EXOC4: variants seen among roughly 807,000 people sequenced by gnomAD.
The protein encoded by EXOC4 is exocyst complex component 4.
In EXOC4, 71 loss-of-function variants were observed where a neutral mutation model predicts 107.2. The observed-to-expected ratio is 0.66, with a 90% CI of 0.55 to 0.81. The LOEUF is 0.81. EXOC4 is among the 30% of genes least tolerant of loss of function. The pLI is 0.00. For synonymous variants in EXOC4, 456 were observed against 441.2 expected, an observed-to-expected ratio of 1.03 and a Z score of -0.42; for missense variants, 1,108 against 1,189.6, an observed-to-expected ratio of 0.93 and a Z score of 1.01.
intron 11 of EXOC4, among the ~76,000 whole-genome samples, chr7:133,857,358 TATATATA>T (rs1798436724): frequency 3.1e-5 from 2 of 64,228 alleles, no homozygotes; most frequent in Non-Finnish European, 5.6e-5. Context: ...TATATATATA[TATATATA>T]TTTTACCTCT....
At chr7:133,980,052 T>C (rs1305517058) in intron 14 of EXOC4, among the ~76,000 whole-genome samples, 1 of 152,186 alleles carries the variant, frequency 6.6e-6, no homozygotes, top group Admixed American at 6.5e-5. Flanking sequence ...AGATAAAATT[T>C]GAACCTGCCC....
intron 10 of EXOC4, among the ~76,000 whole-genome samples, chr7:133,674,310 A>G (rs952796003): frequency 1.3e-5 from 2 of 152,226 alleles, no homozygotes; most frequent in Non-Finnish European, 2.9e-5. Context: ...GGGCTTTACT[A>G]TAAAACAAGC....
In EXOC4 at chr7:133,420,871, T is replaced by C. The variant is rs560906142; in HGVS notation, c.1182+45869T>C. 2.6e-5 allele frequency among the ~76,000 whole-genome samples: 4 copies of C among 151,242 alleles called. No homozygotes were observed. The South Asian group carries it at 8.4e-4, about 32-fold the overall frequency. ...ACATCAGGGAATTTTTGGTATTCTT[T>C]CTCCCTGCCACTTCTGCTTGAGTAT... On this transcript the variant is annotated intron_variant, in intron 7 of 17. Coordinates refer to ENST00000253861, the MANE Select transcript of EXOC4 (RefSeq NM_021807.4).
chr7:133,444,124 T>C (rs1204116925), intron 7 of EXOC4, among the ~76,000 whole-genome samples: 1 of 152,116 alleles, frequency 6.6e-6, no homozygotes, highest in East Asian at 1.9e-4. Flanking sequence ...AGCCATGGGT[T>C]CAGTCTGAGT....
chr7:133,327,002 C>T (rs1795261065), intron 5 of EXOC4, among the ~76,000 whole-genome samples: 1 of 152,210 alleles, frequency 6.6e-6, no homozygotes, highest in Admixed American at 6.5e-5. Context: ...TGGGACTCTC[C>T]AAGCCAGGCG....
intron 10 of EXOC4, among the ~76,000 whole-genome samples, chr7:133,642,694 T>A (rs1240252798): frequency 6.6e-6 from 1 of 152,166 alleles, no homozygotes; most frequent in Non-Finnish European, 1.5e-5. Flanking sequence ...GTCACTCCCC[T>A]CCTTCTTTGT....
intron 17 of EXOC4, among the ~76,000 whole-genome samples, chr7:134,011,980 G>A (rs899178255): frequency 6.6e-6 from 1 of 152,034 alleles, no homozygotes; most frequent in Admixed American, 6.6e-5. Context: ...AACGTCTAAG[G>A]GTGAAGAGCC....
chr7:133,283,922 T>C (rs1004944926), intron 2 of EXOC4, among the ~76,000 whole-genome samples: 1 of 152,200 alleles, frequency 6.6e-6, no homozygotes, highest in Non-Finnish European at 1.5e-5. Context: ...TTTTTGTGGC[T>C]GACTGACCCT....
intron 10 of EXOC4, among the ~76,000 whole-genome samples, chr7:133,745,687 T>C (rs1795660552): frequency 6.6e-6 from 1 of 151,234 alleles, no homozygotes; most frequent in Non-Finnish European, 1.5e-5. Context: ...TGGTTTATTT[T>C]AGAACTATTG....
chr7:134,070,592 C>G (rs559933160), downstream of EXOC4, among the ~76,000 whole-genome samples: 16 of 152,170 alleles, frequency 1.1e-4, no homozygotes, highest in South Asian at 3.3e-3. Flanking sequence ...TGTGATGAAA[C>G]GTACACCATG....
Position 134,007,663 on chromosome 7 carries a change from G to T in EXOC4, c.2528-13G>T. On this transcript the variant is annotated splice_polypyrimidine_tract_variant and intron_variant, in intron 16 of 17. Transcript: ENST00000253861. The stretch of plus-strand genomic sequence containing the variant: ...ATCCGTTTTCTTTGCCCCGCACTGT[G>T]CTGACCCCTCAGGCCTGGGCCACCT... 1.2e-6 allele frequency: 2 copies of T among 1,609,968 alleles called. No homozygotes were observed. The highest frequency in any genetic ancestry group is 1.7e-6 in the Non-Finnish European group (2 of 1,178,012).
At chr7:133,339,098 C>T (rs1239097600) in intron 5 of EXOC4, among the ~76,000 whole-genome samples, 3 of 152,162 alleles carry the variant, frequency 2.0e-5, no homozygotes, top group Non-Finnish European at 4.4e-5. Context: ...TTAGCTCCCA[C>T]TTATAAGTGA....
chr7:133,684,518 A>G (rs1012571490), intron 10 of EXOC4, among the ~76,000 whole-genome samples: 1 of 152,190 alleles, frequency 6.6e-6, no homozygotes, highest in Admixed American at 6.6e-5. Context: ...AAGAAAATGC[A>G]AGAAAGAAAA....
At chr7:133,798,416 TTTCTTGGCATATTTACAAAGA>T (rs1334627395) in intron 10 of EXOC4, among the ~76,000 whole-genome samples, 5 of 5,456 alleles carry the variant, frequency 9.2e-4, no homozygotes, top group African/African-American at 1.7e-3. Context: ...TATCAGTAAT[TTTCTTGGCATATTTACAAAGA>T]AATAAACAAA....
intron 9 of EXOC4, among the ~76,000 whole-genome samples, chr7:133,584,759 A>G (rs990305859): frequency 2.6e-5 from 4 of 151,594 alleles, no homozygotes; most frequent in South Asian, 4.2e-4. Flanking sequence ...TTGTATTTCT[A>G]GTAGAGATGG....
At position 133,957,525 on chromosome 7, in the gene EXOC4, CT is replaced by C. The variant is rs555263706; in HGVS notation, c.2206+19459del. ...TCTAAGGAGTACAAGCCACTCTGGT[CT>C]TTGGAAAGTCAAGATTCTTAAATGT... On this transcript the variant is annotated intron_variant, in intron 14 of 17. Coordinates refer to ENST00000253861, the MANE Select transcript of EXOC4 (RefSeq NM_021807.4). Among the ~76,000 whole-genome samples, 10 of 152,280 alleles carry C rather than the reference CT, an allele frequency of 6.6e-5. No individual in the cohort carries two copies. The East Asian group carries it at 1.9e-3, about 29-fold the overall frequency.
intron 10 of EXOC4, among the ~76,000 whole-genome samples, chr7:133,637,136 G>A (rs765564796): frequency 6.6e-6 from 1 of 152,116 alleles, no homozygotes; most frequent in Non-Finnish European, 1.5e-5. Context: ...GGAGTGAAAG[G>A]CTCCAAAGGT....
chr7:133,499,751 T>A (rs1207253506), intron 9 of EXOC4, among the ~76,000 whole-genome samples: 1 of 152,000 alleles, frequency 6.6e-6, no homozygotes, highest in Non-Finnish European at 1.5e-5. Context: ...TGTGATAGGG[T>A]TCTCCTGAGA....
intron 9 of EXOC4, among the ~76,000 whole-genome samples, chr7:133,520,474 A>G (rs1263518693): frequency 6.6e-6 from 1 of 152,162 alleles, no homozygotes; most frequent in African/African-American, 2.4e-5. Flanking sequence ...TTGTTAATCG[A>G]TGAAGCAGAT....
Sources: gnomAD v4.1 joint callset for allele counts (sites outside exome capture counted in the v4.1 genomes callset) on GRCh38, gnomAD v4.1.1 for gene constraint, MANE v1.5 for transcripts, NCBI Gene and HGNC (gene_info 2026-07-23, HGNC 2026-07-21) for gene names.